The following ACTR2 variants were observed in gnomAD, a reference collection of about 807,000 sequenced individuals.
The protein encoded by ACTR2 is actin related protein 2.
A neutral mutation model predicts 50.2 loss-of-function variants in ACTR2; 5 were observed. The ratio of observed to expected loss-of-function variants is 0.10; its 90% CI spans 0.05 to 0.21. ACTR2 has a LOEUF of 0.21. Ranked by LOEUF, ACTR2 falls within the 10% of genes least tolerant of loss-of-function variation. The pLI is 1.00. For missense variants in ACTR2, 180 were observed against 480.6 expected (o/e 0.37, Z 5.85); for synonymous variants, 140 against 162.9 (o/e 0.86, Z 1.07).
At chr2:65,233,198 T>C (rs1671672488) in intron 1 of ACTR2, among the ~76,000 whole-genome samples, 1 of 152,076 alleles carries the variant, frequency 6.6e-6, no homozygotes, top group African/African-American at 2.4e-5. Context: ...TTTCTCCATG[T>C]TCGTCAGGCT....
At chr2:65,237,250 A>G (rs1227691711) in intron 1 of ACTR2, among the ~76,000 whole-genome samples, 3 of 152,064 alleles carry the variant, frequency 2.0e-5, no homozygotes, top group African/African-American at 7.2e-5. Context: ...GTCTGCTCTT[A>G]CTAGACTATG....
intron 6 of ACTR2, among the ~76,000 whole-genome samples, chr2:65,256,874 TAAAAA>T (rs57631144): frequency 0.52 from 69,248 of 134,244 alleles, 17,771 homozygotes; most frequent in Middle Eastern, 0.59. Context: ...TCCATGTCGG[TAAAAA>T]AAAAAAAAAA....
At position 65,233,473 on chromosome 2, in the gene ACTR2, C is replaced by T. The variant is rs780324432; in HGVS notation, c.48+5516C>T. On this transcript the variant is annotated intron_variant, in intron 1 of 8. Coordinates refer to ENST00000260641, the MANE Select transcript of ACTR2 (RefSeq NM_005722.4). ...AGTTCAAGACCATCCTGAGCAACAGCGAGACCCCTGTCTCCACAAAAAATA... is the reference window on the plus strand; with the variant it reads ...AGTTCAAGACCATCCTGAGCAACAGTGAGACCCCTGTCTCCACAAAAAATA... Among the ~76,000 whole-genome samples, 19 of 151,762 alleles carry T rather than the reference C, an allele frequency of 1.3e-4. No individual in the cohort carries two copies. The South Asian group carries it at 3.3e-3, about 27-fold the overall frequency.
intron 3 of ACTR2, among the ~76,000 whole-genome samples, chr2:65,247,388 A>G (rs1489016576): frequency 6.6e-6 from 1 of 152,126 alleles, no homozygotes; most frequent in Non-Finnish European, 1.5e-5. Context: ...GGAGATCGAG[A>G]CCATCCTGGC....
At chr2:65,228,246 C>G (rs1243694666) in intron 1 of ACTR2, 1 of 352,514 alleles carries the variant, frequency 2.8e-6, no homozygotes, top group Non-Finnish European at 5.1e-6. Flanking sequence ...ACCTGCTCCG[C>G]GCTAATGCGG....
At chr2:65,250,561 T>C (rs1672027132) in intron 3 of ACTR2, among the ~76,000 whole-genome samples, 1 of 146,846 alleles carries the variant, frequency 6.8e-6, no homozygotes, top group Non-Finnish European at 1.5e-5. Flanking sequence ...TAGTCCCAGC[T>C]ACTCAGGAGG....
At chr2:65,268,107 G>A (rs188654707) in intron 8 of ACTR2, among the ~76,000 whole-genome samples, 2 of 151,750 alleles carry the variant, frequency 1.3e-5, no homozygotes, top group South Asian at 2.1e-4. Flanking sequence ...AAAGTGCTGG[G>A]ATTACACTTG....
chr2:65,245,489 T>C (rs1402300864), intron 2 of ACTR2, among the ~76,000 whole-genome samples: 1 of 152,158 alleles, frequency 6.6e-6, no homozygotes, highest in African/African-American at 2.4e-5. Context: ...CACTGCGCTC[T>C]AGCCTGGGCA....
chr2:65,251,178 C>T, intron 4 of ACTR2, 79 bp downstream of exon 4: 1 of 1,000,890 alleles, frequency 1.0e-6, no homozygotes, highest in Non-Finnish European at 1.5e-6. Flanking sequence ...AATTTGGTTT[C>T]TCAATAAGTT....
Position 65,254,298 on chromosome 2 carries a change from A to G in ACTR2, c.585+434A>G, listed in dbSNP as rs552946913. ...GTTGTCTGCTCTTGTCCTTTCCTAC[A>G]AAATACAGTGATAGCAAATTAATGA... On this transcript the variant is annotated intron_variant, in intron 5 of 8. Transcript: ENST00000260641. Among the ~76,000 whole-genome samples the G allele has an allele frequency of 1.4e-3, 219 of 152,262 alleles. 2 individuals carry two copies. The highest frequency in any genetic ancestry group is 4.9e-3 in the African/African-American group (204 of 41,550).
At chr2:65,263,635 G>C (rs1318117727) in intron 7 of ACTR2, among the ~76,000 whole-genome samples, 1 of 152,210 alleles carries the variant, frequency 6.6e-6, no homozygotes, top group African/African-American at 2.4e-5. Context: ...AAACCTGGTA[G>C]AAGATGATCA....
At chr2:65,235,872 G>T (rs906184369) in intron 1 of ACTR2, among the ~76,000 whole-genome samples, 3 of 152,168 alleles carry the variant, frequency 2.0e-5, no homozygotes, top group Non-Finnish European at 4.4e-5. Context: ...AGGTTTGTGG[G>T]CTTGTAAGAA....
chr2:65,238,858 C>T (rs1434752798), intron 1 of ACTR2, among the ~76,000 whole-genome samples: 1 of 151,650 alleles, frequency 6.6e-6, no homozygotes, highest in Non-Finnish European at 1.5e-5. Context: ...ATCCCAGCTA[C>T]TTGGGAGGCT....
chr2:65,260,989 C>G (rs1672258515), intron 6 of ACTR2, among the ~76,000 whole-genome samples: 1 of 152,112 alleles, frequency 6.6e-6, no homozygotes, highest in Non-Finnish European at 1.5e-5. Context: ...CTCAGCCTCC[C>G]AAAGTGCTGG....
At chr2:65,241,945 T>C (rs1671846898) in intron 2 of ACTR2, 8 of 1,478,666 alleles carry the variant, frequency 5.4e-6, no homozygotes, top group Non-Finnish European at 7.5e-6. Context: ...TAATTGTCTC[T>C]ATTGCTTGTA....
chr2:65,229,291 C>A (rs993014356), intron 1 of ACTR2, among the ~76,000 whole-genome samples: 1 of 152,030 alleles, frequency 6.6e-6, no homozygotes, highest in African/African-American at 2.4e-5. Flanking sequence ...AATTAAAGTT[C>A]ATTTTACTTG....
chr2:65,230,181 G>C (rs1381244036), intron 1 of ACTR2, among the ~76,000 whole-genome samples: 1 of 152,114 alleles, frequency 6.6e-6, no homozygotes, highest in Non-Finnish European at 1.5e-5. Context: ...GTATTAGCCT[G>C]ATTTCCACTA....
At chr2:65,231,430 T>G (rs776627135) in intron 1 of ACTR2, among the ~76,000 whole-genome samples, 6 of 152,250 alleles carry the variant, frequency 3.9e-5, no homozygotes, top group Admixed American at 2.6e-4. Flanking sequence ...TTATAATGAT[T>G]CCTTTATAAT....
chr2:65,252,291 C>T (rs1672066779), intron 4 of ACTR2, among the ~76,000 whole-genome samples: 1 of 151,276 alleles, frequency 6.6e-6, no homozygotes, highest in African/African-American at 2.4e-5. Context: ...CATTCAAGGG[C>T]TGTATATGAG....
Sources: allele counts gnomAD v4.1 joint callset (sites outside exome capture counted in the v4.1 genomes callset), GRCh38; gene constraint gnomAD v4.1.1; transcripts MANE v1.5; gene names NCBI Gene and HGNC (gene_info 2026-07-23, HGNC 2026-07-21).